CPZ: variants seen among roughly 807,000 people sequenced by gnomAD.
The protein encoded by CPZ is carboxypeptidase Z.
A neutral mutation model predicts 61.8 loss-of-function variants in CPZ; 103 were observed. That is an observed-to-expected ratio of 1.67 (90% CI 1.42 to 1.96). The LOEUF is 1.96. Among genes scored for constraint, CPZ ranks in the 30% most tolerant of loss-of-function variants. CPZ has a pLI of 0.00. For missense variants in CPZ, 1,461 were observed against 914.9 expected (o/e 1.60, Z -7.70); for synonymous variants, 551 against 373.7 (o/e 1.47, Z -5.47).
In CPZ at chr4:8,609,063, C is replaced by CCTCCCTCA. The variant is rs1194115971; in HGVS notation, c.1227+1641_1227+1642insCCTCACTC. 3.0e-3 allele frequency among the ~76,000 whole-genome samples: 406 copies of CCTCCCTCA among 134,840 alleles called. No homozygotes were observed. The Middle Eastern group carries it at 0.031, about 10-fold the overall frequency. 88.5% of individuals were successfully genotyped at this position (134,840 alleles called of 152,430 possible). A position where few individuals can be genotyped will look rare whatever the true frequency, so the allele number is the denominator to read the frequency against. ...CATTCACTCCCTCCCTCCCTCACTC[C>CCTCCCTCA]CTCACTCACCACTCATACATTCACC... On this transcript the variant is annotated intron_variant, in intron 7 of 10. Coordinates refer to ENST00000360986, the MANE Select transcript of CPZ (RefSeq NM_001014447.3).
intron 7 of CPZ, among the ~76,000 whole-genome samples, chr4:8,609,018 A>G (rs147800098): frequency 2.6e-5 from 1 of 38,976 alleles, no homozygotes; most frequent in Non-Finnish European, 5.6e-5. Flanking sequence ...ATCATTCATT[A>G]ACTCACTCCT....
chr4:8,617,632 C>A (rs998992462), intron 9 of CPZ, among the ~76,000 whole-genome samples: 2 of 152,170 alleles, frequency 1.3e-5, no homozygotes, highest in African/African-American at 4.8e-5. Context: ...GAGCCCTTTC[C>A]CTTGAGAATC....
chr4:8,617,759 C>G (rs554971614), intron 9 of CPZ, among the ~76,000 whole-genome samples: 1 of 152,162 alleles, frequency 6.6e-6, no homozygotes. Context: ...TTGGACCCCA[C>G]GTTGTTTTCT....
In CPZ at chr4:8,604,181, C is replaced by G. The variant is rs753008564; in HGVS notation, c.702C>G (p.His234Gln). The G allele has an allele frequency of 3.0e-5, 47 of 1,553,266 alleles. No individual in the cohort carries two copies. Among genetic ancestry groups the G allele is most frequent in the Non-Finnish European group, 3.7e-5 (43 of 1,146,844 alleles). ...AGTTCTCCAGCCGCCCCGGCCAGCA[C>G]GAGCTGAGTGAGTGCCCTTGGGAGA... Reference protein sequence around the residue: ...VIEFSSRPGQHELMEPEVKLI... With the variant: ...VIEFSSRPGQQELMEPEVKLI... Residue 234 changes from histidine (H) to glutamine (Q), a missense_variant, in exon 4 of 11, where the codon CAC becomes CAG. Physicochemically the swap from His to Gln is conservative, Grantham distance 24. Transcript: ENST00000360986.
chr4:8,605,351 T>TCCATCC (rs1560293892), intron 4 of CPZ, among the ~76,000 whole-genome samples: 4 of 16,856 alleles, frequency 2.4e-4, no homozygotes, highest in Non-Finnish European at 4.3e-4. Context: ...TCCATCCATT[T>TCCATCC]ATTCATTCAG....
At chr4:8,618,372 T>G in intron 9 of CPZ, 57 bp from the exon 10 acceptor site, 2 of 1,556,848 alleles carry the variant, frequency 1.3e-6, no homozygotes. Flanking sequence ...GCTGACGGCC[T>G]CCACGCTCAG....
At chr4:8,619,176 C>T (rs1456670652) in intron 10 of CPZ, 86 bp from the exon 11 acceptor site, 3 of 1,217,944 alleles carry the variant, frequency 2.5e-6, no homozygotes, top group Non-Finnish European at 3.4e-6. Context: ...CCATGCTAAC[C>T]TCTCCCCACT....
chr4:8,615,241 C>A (rs1380534363), intron 9 of CPZ, among the ~76,000 whole-genome samples: 1 of 151,990 alleles, frequency 6.6e-6, no homozygotes, highest in Non-Finnish European at 1.5e-5. Flanking sequence ...TCTAAAATGA[C>A]CCCCTCGCTG....
In CPZ at chr4:8,604,121, G is replaced by A. The variant is rs1317183138; in HGVS notation, c.642G>A (p.Gly214=). The change falls in exon 4 of 11, where the codon GGG becomes GGA. Residue 214 remains glycine (G), a synonymous_variant. Transcript: ENST00000360986. ...ACGTGGCCAGGACCTACAGCATCGG[G>A]CGCAGCTTCGACGGCAGGGAGCTGC... ...CAHVARTYSI[G]RSFDGRELLV... 6.3e-6 allele frequency: 10 copies of A among 1,598,918 alleles called. No homozygotes were observed. In the South Asian group the frequency reaches 9.0e-5, roughly 14 times the overall value.
At chr4:8,602,169 G>GC (rs1714628089) in intron 3 of CPZ, 1 of 152,350 alleles carries the variant, frequency 6.6e-6, no homozygotes, top group Non-Finnish European at 1.5e-5. Context: ...TCTGAGGTGT[G>GC]CAAAGAGGTG....
At chr4:8,609,094 A>ACTCACGTACTCACTCCCTCC (rs1715330690) in intron 7 of CPZ, among the ~76,000 whole-genome samples, 8 of 19,970 alleles carry the variant, frequency 4.0e-4, no homozygotes, top group Non-Finnish European at 3.2e-4. Flanking sequence ...TCACCCATTC[A>ACTCACGTACTCACTCCCTCC]CTCACTCACT....
intron 9 of CPZ, among the ~76,000 whole-genome samples, chr4:8,616,486 G>A (rs973826934): frequency 6.6e-6 from 1 of 152,226 alleles, no homozygotes; most frequent in African/African-American, 2.4e-5. Context: ...AGTGAGACCA[G>A]GGCTGGCAGA....
chr4:8,619,437 T>A lies in CPZ; in HGVS notation c.1779T>A (p.His593Gln). 6.2e-7 allele frequency: 1 copy of A among 1,613,862 alleles called. No homozygotes were observed. The highest frequency in any genetic ancestry group is 8.5e-7 in the Non-Finnish European group (1 of 1,179,900). ...PLGMGPKNFI[H>Q]GLRRTGPHDP... ...GGATGGGACCCAAGAACTTTATTCA[T>A]GGGCTGCGGAGGACTGGGCCCCACG... The change falls in exon 11 of 11, where the codon CAT (histidine) becomes CAA (glutamine). Residue 593 changes from histidine to glutamine, a missense_variant. His to Gln is a conservative substitution (Grantham distance 24, BLOSUM62 0). Transcript: ENST00000360986.
intron 7 of CPZ, among the ~76,000 whole-genome samples, chr4:8,608,415 GTTT>G (rs1715237799): frequency 6.6e-6 from 1 of 152,186 alleles, no homozygotes; most frequent in Non-Finnish European, 1.5e-5. Context: ...GTCACACATC[GTTT>G]GTTCTCCTTT....
intron 3 of CPZ, chr4:8,603,743 T>C: frequency 1.7e-6 from 1 of 576,974 alleles, no homozygotes; most frequent in Non-Finnish European, 3.1e-6. Flanking sequence ...ATAGTATGTT[T>C]ACTCACAGTC....
chr4:8,617,843 G>A (rs1468245882), intron 9 of CPZ, among the ~76,000 whole-genome samples: 3 of 152,220 alleles, frequency 2.0e-5, no homozygotes, highest in Admixed American at 1.3e-4. Flanking sequence ...GGATCAGGCA[G>A]CTTTGGGAGG....
chr4:8,619,371 G>T lies in CPZ; in HGVS notation c.1713G>T (p.Met571Ile). ...VIKKVIIPAR[M>I]KRAGRVDFIL... The stretch of plus-strand genomic sequence containing the variant: ...AGAAAGTCATCATCCCCGCCCGGAT[G>T]AAGAGGGCTGGCCGTGTGGACTTCA... Residue 571 changes from methionine to isoleucine, a missense_variant, in exon 11 of 11, where the codon ATG becomes ATT. Coordinates refer to ENST00000360986, the MANE Select transcript of CPZ (RefSeq NM_001014447.3). The T allele has an allele frequency of 6.2e-7, 1 of 1,614,220 alleles. No homozygotes were observed. The highest frequency in any genetic ancestry group is 8.5e-7 in the Non-Finnish European group (1 of 1,180,032).
chr4:8,600,871 G>A (rs1472092235), intron 2 of CPZ: 17 of 1,191,478 alleles, frequency 1.4e-5, no homozygotes, highest in Middle Eastern at 3.2e-4. Context: ...TGGAGACGCC[G>A]AGGCTCAGGG....
At chr4:8,618,748 A>G (rs1372929263) in intron 10 of CPZ, among the ~76,000 whole-genome samples, 1 of 152,134 alleles carries the variant, frequency 6.6e-6, no homozygotes, top group East Asian at 1.9e-4. Context: ...GTAGCTACTG[A>G]ATGATGGTGG....
Sources: gnomAD v4.1 joint callset for allele counts (sites outside exome capture counted in the v4.1 genomes callset) on GRCh38, gnomAD v4.1.1 for gene constraint, MANE v1.5 for transcripts, NCBI Gene and HGNC (gene_info 2026-07-23, HGNC 2026-07-21) for gene names.